The following MCTP1 variants were observed in gnomAD, a reference collection of about 807,000 sequenced individuals.
The protein encoded by MCTP1 is multiple C2 and transmembrane domain containing 1.
In MCTP1, 69 loss-of-function variants were observed where a neutral mutation model predicts 120.6. The observed-to-expected ratio is 0.57, with a 90% CI of 0.47 to 0.70. The LOEUF (loss-of-function observed/expected upper bound fraction) is 0.70, where lower values mean the gene tolerates loss of function less well. MCTP1 is among the 30% of genes least tolerant of loss of function. MCTP1 has a pLI of 0.00. For synonymous variants in MCTP1, 529 were observed against 493.1 expected (o/e 1.07, Z -0.96); for missense variants, 1,203 against 1,248.8 (o/e 0.96, Z 0.55).
At chr5:94,823,759 C>T (rs1317751066) in intron 17 of MCTP1, among the ~76,000 whole-genome samples, 1 of 152,196 alleles carries the variant, frequency 6.6e-6, no homozygotes, top group Admixed American at 6.5e-5. Context: ...AGGTCCTTCA[C>T]ATCCCTTGTA....
At chr5:95,205,942 T>C (rs975568324) in intron 1 of MCTP1, among the ~76,000 whole-genome samples, 1 of 152,122 alleles carries the variant, frequency 6.6e-6, no homozygotes, top group African/African-American at 2.4e-5. Flanking sequence ...GGTGGGAATA[T>C]AAAATAGTAT....
chr5:95,034,668 A>G (rs1840925759), intron 1 of MCTP1, among the ~76,000 whole-genome samples: 1 of 151,976 alleles, frequency 6.6e-6, no homozygotes, highest in Non-Finnish European at 1.5e-5. Flanking sequence ...ACTTATGCAA[A>G]TAATTTAAGG....
At chr5:95,022,509 C>G (rs1032283364) in intron 1 of MCTP1, among the ~76,000 whole-genome samples, 3 of 152,046 alleles carry the variant, frequency 2.0e-5, no homozygotes, top group Non-Finnish European at 2.9e-5. Flanking sequence ...AAATTATGAA[C>G]CTTTAAAATC....
intron 1 of MCTP1, among the ~76,000 whole-genome samples, chr5:95,101,805 GC>G (rs1172201321): frequency 2.6e-5 from 4 of 152,276 alleles, no homozygotes; most frequent in South Asian, 2.1e-4. Context: ...TCACAAACAG[GC>G]TAAATAGTTA....
intron 17 of MCTP1, among the ~76,000 whole-genome samples, chr5:94,858,777 A>T (rs909305201): frequency 1.3e-5 from 2 of 151,648 alleles, no homozygotes; most frequent in Non-Finnish European, 3.0e-5. Flanking sequence ...CTGCACCATT[A>T]AAAGCCCACA....
chr5:95,136,145 T>C (rs1759430301), intron 1 of MCTP1, among the ~76,000 whole-genome samples: 1 of 152,236 alleles, frequency 6.6e-6, no homozygotes, highest in Non-Finnish European at 1.5e-5. Flanking sequence ...TCATTATTTC[T>C]AAGCCTTGGT....
chr5:95,199,368 T>C (rs1357724798), intron 1 of MCTP1, among the ~76,000 whole-genome samples: 2 of 151,972 alleles, frequency 1.3e-5, no homozygotes, highest in Non-Finnish European at 2.9e-5. Flanking sequence ...CCAAAATATA[T>C]AAAGGAACTC....
intron 12 of MCTP1, among the ~76,000 whole-genome samples, chr5:94,876,209 A>C (rs534925127): frequency 1.3e-5 from 2 of 152,292 alleles, no homozygotes; most frequent in Admixed American, 1.3e-4. Flanking sequence ...ATTATCTGCC[A>C]CTTAAACAAA....
intron 17 of MCTP1, among the ~76,000 whole-genome samples, chr5:94,861,811 A>G (rs532677818): frequency 6.6e-6 from 1 of 151,938 alleles, no homozygotes; most frequent in Admixed American, 6.6e-5. Context: ...ACTCAGTTGT[A>G]AAATATTGAC....
At chr5:95,144,396 G>A (rs879931420) in intron 1 of MCTP1, among the ~76,000 whole-genome samples, 2 of 152,110 alleles carry the variant, frequency 1.3e-5, no homozygotes, top group African/African-American at 4.8e-5. Flanking sequence ...GTGTGCAAAT[G>A]CTGTTTAGTT....
At chr5:94,917,749 T>G (rs564382971) in intron 8 of MCTP1, 147 bp downstream of exon 8, 42 of 599,036 alleles carry the variant, frequency 7.0e-5, no homozygotes, top group Middle Eastern at 3.8e-4. Flanking sequence ...CATTATTCCT[T>G]GAAAAAAATT....
At chr5:95,250,431 T>C (rs979213991) in intron 1 of MCTP1, among the ~76,000 whole-genome samples, 1 of 152,202 alleles carries the variant, frequency 6.6e-6, no homozygotes, top group African/African-American at 2.4e-5. Flanking sequence ...GAAACTGTGG[T>C]GGCTAACTGG....
At chr5:95,140,584 C>T (rs147375536) in intron 1 of MCTP1, among the ~76,000 whole-genome samples, 170 of 150,566 alleles carry the variant, frequency 1.1e-3, no homozygotes, top group African/African-American at 3.9e-3. Context: ...AACGGCCGGG[C>T]GCGATGGCTC....
intron 2 of MCTP1, among the ~76,000 whole-genome samples, chr5:94,956,822 G>A (rs1332430559): frequency 6.6e-6 from 1 of 152,142 alleles, no homozygotes; most frequent in Non-Finnish European, 1.5e-5. Flanking sequence ...AGGGGAGAAT[G>A]GAACCAAGTT....
intron 2 of MCTP1, among the ~76,000 whole-genome samples, chr5:94,966,659 G>T (rs1180964070): frequency 6.6e-6 from 1 of 152,106 alleles, no homozygotes; most frequent in African/African-American, 2.4e-5. Context: ...ACAAGGCGTG[G>T]TGGCGGGCAC....
chr5:95,257,931 G>T (rs1758066958), intron 1 of MCTP1, among the ~76,000 whole-genome samples: 1 of 152,034 alleles, frequency 6.6e-6, no homozygotes, highest in East Asian at 1.9e-4. Flanking sequence ...GTAATATTGG[G>T]TTATAATCCA....
chr5:94,851,497 A>G (rs776150939), intron 17 of MCTP1, among the ~76,000 whole-genome samples: 3 of 152,092 alleles, frequency 2.0e-5, no homozygotes, highest in Non-Finnish European at 4.4e-5. Flanking sequence ...TGCTATTTAT[A>G]CAGTTTAAAC....
intron 1 of MCTP1, among the ~76,000 whole-genome samples, chr5:95,076,022 C>G (rs1753461697): frequency 6.6e-6 from 1 of 152,178 alleles, no homozygotes; most frequent in South Asian, 2.1e-4. Context: ...TATGTTAGAA[C>G]ACCCCCAGTG....
intron 16 of MCTP1, among the ~76,000 whole-genome samples, 153 bp from the exon 17 acceptor site, chr5:94,868,605 G>C (rs890860509): frequency 6.6e-6 from 1 of 151,848 alleles, no homozygotes; most frequent in African/African-American, 2.4e-5. Context: ...ACAAGTTAAA[G>C]AATTTATTTC....
Sources: allele counts gnomAD v4.1 joint callset (sites outside exome capture counted in the v4.1 genomes callset), GRCh38; gene constraint gnomAD v4.1.1; transcripts MANE v1.5; gene names NCBI Gene and HGNC (gene_info 2026-07-23, HGNC 2026-07-21).